The following MSI2 variants were observed in gnomAD, a reference collection of about 807,000 sequenced individuals.
The protein encoded by MSI2 is musashi RNA binding protein 2.
MSI2 carries 17 observed loss-of-function variants against 45.6 expected under a neutral mutation model. The observed-to-expected ratio is 0.37, with a 90% CI of 0.26 to 0.56. MSI2 has a LOEUF of 0.56. MSI2 is among the 20% of genes least tolerant of loss of function. The pLI, the probability that MSI2 is intolerant of heterozygous loss-of-function variation, is 0.77. For synonymous variants in MSI2, 156 were observed against 158.2 expected (o/e 0.99, Z 0.11); for missense variants, 293 against 444.2 (o/e 0.66, Z 3.06).
chr17:57,329,659 GT>G (rs1914086743), intron 5 of MSI2, among the ~76,000 whole-genome samples: 2 of 152,190 alleles, frequency 1.3e-5, no homozygotes, highest in Non-Finnish European at 2.9e-5. Flanking sequence ...GTGAAAAAAG[GT>G]TTGTCCTTCT....
chr17:57,592,634 C>T (rs1904942764), intron 7 of MSI2, among the ~76,000 whole-genome samples: 1 of 152,150 alleles, frequency 6.6e-6, no homozygotes, highest in African/African-American at 2.4e-5. Flanking sequence ...GGCTTGAAAT[C>T]CGGGCTATCT....
chr17:57,512,739 A>G lies in MSI2; in HGVS notation c.406-16937A>G, dbSNP rs77587534. Among the ~76,000 whole-genome samples, 469 of 152,244 alleles carry G rather than the reference A, an allele frequency of 3.1e-3. 6 individuals are homozygous for G. The highest frequency in any genetic ancestry group is 8.5e-3 in the African/African-American group (352 of 41,528). On this transcript the variant is annotated intron_variant, in intron 6 of 13. Coordinates refer to ENST00000284073, the MANE Select transcript of MSI2 (RefSeq NM_138962.4). ...TGGGCTGGACAGATAGATGTTAGAG[A>G]AAGTGGCCATTGTGTCTCATCCTGG...
intron 7 of MSI2, among the ~76,000 whole-genome samples, chr17:57,548,164 A>G (rs1037787702): frequency 6.6e-6 from 1 of 151,940 alleles, no homozygotes; most frequent in Non-Finnish European, 1.5e-5. Context: ...AGGAAAACCA[A>G]CTCTGGGGTC....
At chr17:57,692,874 C>T in the MSI2 span, among the ~76,000 whole-genome samples, 15 of 147,538 alleles carry the variant, frequency 1.0e-4, no homozygotes, top group East Asian at 7.9e-4. Flanking sequence ...AGTGTGATTA[C>T]GATGGGTCTA....
intron 10 of MSI2, among the ~76,000 whole-genome samples, chr17:57,635,438 C>A (rs576853140): frequency 6.6e-6 from 1 of 152,394 alleles, no homozygotes; most frequent in East Asian, 1.9e-4. Flanking sequence ...CCATCCCTCT[C>A]TCCCTGCGTG....
At chr17:57,631,706 T>C in intron 10 of MSI2, 1 of 1,141,478 alleles carries the variant, frequency 8.8e-7, no homozygotes, top group South Asian at 1.3e-5. Flanking sequence ...TGATCAGGGA[T>C]CTCCCCTGCT....
At chr17:57,494,850 G>A (rs1458431531) in intron 6 of MSI2, among the ~76,000 whole-genome samples, 2 of 152,068 alleles carry the variant, frequency 1.3e-5, no homozygotes, top group Non-Finnish European at 2.9e-5. Context: ...TCAGTGAACA[G>A]AACAGAAACG....
At chr17:57,330,574 C>T (rs1051938591) in intron 5 of MSI2, among the ~76,000 whole-genome samples, 4 of 151,976 alleles carry the variant, frequency 2.6e-5, no homozygotes, top group East Asian at 1.9e-4. Flanking sequence ...CCACTGTGTC[C>T]GGCCTCCTTT....
chr17:57,609,985 G>A (rs11653165), intron 8 of MSI2, among the ~76,000 whole-genome samples: 23,962 of 152,208 alleles, frequency 0.16, 2,206 homozygotes, highest in East Asian at 0.4. Flanking sequence ...TTCCTGCTCC[G>A]TGGGATGGAT....
At chr17:57,699,182 A>AGAGAGAGAGTGT in the MSI2 span, among the ~76,000 whole-genome samples, 37 of 25,082 alleles carry the variant, frequency 1.5e-3, 4 homozygotes, top group East Asian at 0.021. Flanking sequence ...AGAGAGAGAG[A>AGAGAGAGAGTGT]GTGTGTGTGT....
At chr17:57,677,743 T>C (rs945244447) in intron 13 of MSI2, among the ~76,000 whole-genome samples, 1 of 152,134 alleles carries the variant, frequency 6.6e-6, no homozygotes, top group Non-Finnish European at 1.5e-5. Flanking sequence ...TGAGCTCAAG[T>C]TAATTAAACA....
intron 10 of MSI2, chr17:57,631,915 C>A: frequency 6.4e-7 from 1 of 1,561,018 alleles, no homozygotes; most frequent in Non-Finnish European, 8.7e-7. Context: ...TGCCCCCGCT[C>A]CAGTCAATGC....
intron 11 of MSI2, among the ~76,000 whole-genome samples, chr17:57,658,536 A>G (rs758132284): frequency 1.3e-5 from 2 of 152,216 alleles, no homozygotes. Flanking sequence ...TTCATTTTCC[A>G]AGGGCTTTCA....
chr17:57,257,372 C>T (rs1906882534), intron 2 of MSI2, 94 bp from the exon 3 acceptor site: 2 of 786,550 alleles, frequency 2.5e-6, no homozygotes, highest in African/African-American at 1.8e-5. Context: ...CAACAGAAAA[C>T]TACTTTTGGA....
intron 5 of MSI2, among the ~76,000 whole-genome samples, chr17:57,321,438 C>T (rs1179054742): frequency 5.9e-5 from 9 of 152,146 alleles, no homozygotes; most frequent in Admixed American, 3.3e-4. Context: ...GCCAACCTCC[C>T]GTGATATCCT....
intron 6 of MSI2, among the ~76,000 whole-genome samples, chr17:57,478,460 T>G (rs1322379287): frequency 6.6e-6 from 1 of 152,188 alleles, no homozygotes; most frequent in Non-Finnish European, 1.5e-5. Flanking sequence ...CCAGATATCT[T>G]AGTTTCTTTT....
intron 5 of MSI2, chr17:57,365,152 G>T (rs1917104058): frequency 6.6e-6 from 1 of 152,170 alleles, no homozygotes; most frequent in African/African-American, 2.4e-5. Flanking sequence ...CCTGTGTTGA[G>T]ATTTCATTTG....
rs115965675 is a variant in MSI2 at position 57,600,275 on chromosome 17, G to A, written c.537+3325G>A. On this transcript the variant is annotated intron_variant, in intron 8 of 13. Coordinates refer to ENST00000284073, the MANE Select transcript of MSI2 (RefSeq NM_138962.4). ...CACAGACCCATCTCCTCAAACCCTC[G>A]CAATCTTTCTGGGTATTTGGCAGGA... Among the ~76,000 whole-genome samples, 1,112 of 152,278 alleles carry A rather than the reference G, an allele frequency of 7.3e-3. 13 individuals carry two copies. The highest frequency in any genetic ancestry group is 0.025 in the African/African-American group (1,030 of 41,538).
At chr17:57,531,026 G>T (rs2086810943) in intron 7 of MSI2, among the ~76,000 whole-genome samples, 1 of 152,258 alleles carries the variant, frequency 6.6e-6, no homozygotes, top group Middle Eastern at 3.4e-3. Flanking sequence ...GGGGCATGCA[G>T]GTGTGGAATG....
Sources: gnomAD v4.1 joint callset for allele counts (sites outside exome capture counted in the v4.1 genomes callset) on GRCh38, gnomAD v4.1.1 for gene constraint, MANE v1.5 for transcripts, NCBI Gene and HGNC (gene_info 2026-07-23, HGNC 2026-07-21) for gene names.